GABRP: variants seen among roughly 807,000 people sequenced by gnomAD.
GABRP encodes gamma-aminobutyric acid receptor subunit pi.
GABRP carries 52 observed loss-of-function variants against 47.8 expected under a neutral mutation model. The ratio of observed to expected loss-of-function variants is 1.09; its 90% CI spans 0.87 to 1.37. The LOEUF is 1.37. Among genes scored for constraint, GABRP ranks in the 40% most tolerant of loss-of-function variants. The pLI is 0.00. For missense variants in GABRP, 525 were observed against 542.8 expected (o/e 0.97, Z 0.33); for synonymous variants, 221 against 205.8 (o/e 1.07, Z -0.63).
chr5:170,801,757 T>C (rs752710033), intron 6 of GABRP, among the ~76,000 whole-genome samples: 2 of 151,962 alleles, frequency 1.3e-5, no homozygotes, highest in Non-Finnish European at 2.9e-5. Context: ...AATACACAGA[T>C]AAAAGTAATG....
intron 6 of GABRP, among the ~76,000 whole-genome samples, chr5:170,803,218 G>A (rs899210340): frequency 1.3e-5 from 2 of 152,184 alleles, no homozygotes; most frequent in Non-Finnish European, 2.9e-5. Flanking sequence ...TGGGGAGGGC[G>A]AGATAACCCT....
intron 3 of GABRP, among the ~76,000 whole-genome samples, chr5:170,789,821 G>A (rs543153085): frequency 6.6e-6 from 1 of 152,172 alleles, no homozygotes; most frequent in Admixed American, 6.5e-5. Context: ...GACATCCCTG[G>A]CCTCTCCTGC....
At position 170,805,814 on chromosome 5, in the gene GABRP, C is replaced by A. The variant is rs201137222; in HGVS notation, c.640C>A (p.Arg214=). 146 of 1,614,144 alleles carry A rather than the reference C, an allele frequency of 9.0e-5. No individual in the cohort carries two copies. Among genetic ancestry groups the A allele is most frequent in the South Asian group, 5.9e-4 (54 of 91,078 alleles). The change falls in exon 7 of 10, where the codon CGG becomes AGG. Residue 214 remains arginine, a synonymous_variant. Transcript: ENST00000265294. ...GCGGCTTGCTCAGTACACCATAGAG[C>A]GGTATTTCACCTTAGTCACCAGATC... The part of the protein sequence containing the change: ...HLRLAQYTIE[R]YFTLVTRSQQ...
chr5:170,797,598 G>T (rs750097534), intron 6 of GABRP, 50 bp downstream of exon 6: 1 of 1,123,396 alleles, frequency 8.9e-7, no homozygotes, highest in Non-Finnish European at 1.4e-6. Context: ...GGGTGACTTA[G>T]GTGTGTGTAT....
chr5:170,789,235 C>G lies in GABRP; in HGVS notation c.160C>G (p.Pro54Ala). The stretch of plus-strand genomic sequence containing the variant: ...AGCAGGATATAACAAATTTCTCAGG[C>G]CCAATTTTGGTGGTAGGTCATCCTC... ...LTAGYNKFLR[P>A]NFGGEPVQIA... Residue 54 changes from proline (P) to alanine (A), a missense_variant, in exon 3 of 10, where the codon CCC becomes GCC. Pro to Ala is a conservative substitution (Grantham distance 27, BLOSUM62 -1). Coordinates refer to ENST00000265294, the MANE Select transcript of GABRP (RefSeq NM_014211.3). 6.2e-7 allele frequency: 1 copy of G among 1,612,356 alleles called. No individual in the cohort carries two copies. Among genetic ancestry groups the G allele is most frequent in the Non-Finnish European group, 8.5e-7 (1 of 1,178,564 alleles).
At chr5:170,790,207 A>G (rs1765230308) in intron 3 of GABRP, among the ~76,000 whole-genome samples, 1 of 152,210 alleles carries the variant, frequency 6.6e-6, no homozygotes, top group Non-Finnish European at 1.5e-5. Flanking sequence ...ACAGCTCTTC[A>G]TAGCAGAAAA....
At chr5:170,793,246 A>T (rs1765326158) in intron 3 of GABRP, among the ~76,000 whole-genome samples, 1 of 152,190 alleles carries the variant, frequency 6.6e-6, no homozygotes, top group African/African-American at 2.4e-5. Context: ...GCTCTGAAAG[A>T]TTTAATAACT....
Position 170,812,333 on chromosome 5 carries a change from A to G in GABRP, c.*75A>G. ...ATGATGTAAATGGTATTTTAGGCCA[A>G]GTGTGCACCCACATCCAATGGTGCT... is the stretch of plus-strand genomic sequence containing the variant. On this transcript the variant is annotated 3_prime_UTR_variant, in exon 10 of 10. Transcript: ENST00000265294. 6.0e-6 allele frequency: 7 copies of G among 1,157,136 alleles called. No individual in the cohort carries two copies. Among genetic ancestry groups the G allele is most frequent in the Non-Finnish European group, 8.7e-6 (7 of 800,144 alleles). 71.7% of individuals were successfully genotyped at this position (1,157,136 alleles called of 1,614,324 possible).
At chr5:170,805,161 G>A (rs191005485) in intron 6 of GABRP, among the ~76,000 whole-genome samples, 1 of 151,734 alleles carries the variant, frequency 6.6e-6, no homozygotes, top group East Asian at 1.9e-4. Context: ...GTGACATAAT[G>A]TATAAAGTAC....
At chr5:170,789,408 A>G (rs1247995702) in intron 3 of GABRP, among the ~76,000 whole-genome samples, 161 bp downstream of exon 3, 1 of 152,128 alleles carries the variant, frequency 6.6e-6, no homozygotes, top group Non-Finnish European at 1.5e-5. Flanking sequence ...GATTTTTCAC[A>G]CTGCCTGGAA....
At position 170,783,776 on chromosome 5, in the gene GABRP, A is replaced by T. The variant is rs914623375; in HGVS notation, c.-141A>T. On this transcript the variant is annotated 5_prime_UTR_variant, in exon 1 of 10. The change abolishes an upstream ATG in the 5' untranslated region. Coordinates refer to ENST00000265294, the MANE Select transcript of GABRP (RefSeq NM_014211.3). ...CACATACGAGGGGACAGGGCTGAGG[A>T]TGAGGAGAACCCTGGGGACCCAGAA... 1 of 152,286 alleles carries T rather than the reference A, an allele frequency of 6.6e-6. No homozygotes were observed. Among genetic ancestry groups the T allele is most frequent in the Non-Finnish European group, 1.5e-5 (1 of 68,164 alleles). 9.4% of individuals were successfully genotyped at this position (152,286 alleles called of 1,614,324 possible).
intron 1 of GABRP, among the ~76,000 whole-genome samples, chr5:170,787,469 C>T (rs1364965596): frequency 6.6e-6 from 1 of 152,192 alleles, no homozygotes; most frequent in Non-Finnish European, 1.5e-5. Context: ...GGCCCCTGGG[C>T]CATGCCCCAC....
chr5:170,786,596 G>A (rs1765136596), intron 1 of GABRP, among the ~76,000 whole-genome samples: 1 of 152,162 alleles, frequency 6.6e-6, no homozygotes, highest in Non-Finnish European at 1.5e-5. Flanking sequence ...CTCATTAAGA[G>A]GAGTTGGGTC....
intron 5 of GABRP, 50 bp downstream of exon 5, chr5:170,795,475 A>G (rs768102531): frequency 6.9e-7 from 1 of 1,454,490 alleles, no homozygotes; most frequent in Non-Finnish European, 9.7e-7. Context: ...GCTGGGAGAA[A>G]ACATGCAGAT....
At chr5:170,791,360 C>T (rs1334310082) in intron 3 of GABRP, among the ~76,000 whole-genome samples, 2 of 152,252 alleles carry the variant, frequency 1.3e-5, no homozygotes, top group African/African-American at 2.4e-5. Context: ...GCTGGAGGCC[C>T]ACGGAGGGCC....
intron 5 of GABRP, among the ~76,000 whole-genome samples, chr5:170,796,032 A>C (rs547149872): frequency 1.3e-5 from 2 of 152,106 alleles, no homozygotes; most frequent in Non-Finnish European, 2.9e-5. Context: ...CTTTCACCCA[A>C]TTGTTAATGG....
At chr5:170,807,112 G>A (rs1765756901) in intron 7 of GABRP, among the ~76,000 whole-genome samples, 2 of 151,620 alleles carry the variant, frequency 1.3e-5, no homozygotes, top group South Asian at 4.2e-4. Context: ...TCATGCCTGG[G>A]TAATGTTTTG....
chr5:170,805,139 A>T (rs1462215025), intron 6 of GABRP, among the ~76,000 whole-genome samples: 1 of 151,546 alleles, frequency 6.6e-6, no homozygotes, highest in Non-Finnish European at 1.5e-5. Context: ...TTGCAAGTTT[A>T]CAAGAACATT....
Position 170,809,658 on chromosome 5 carries a change from T to C in GABRP, c.923T>C (p.Val308Ala). ...NTNCFIKAID[V>A]YLGICFSFVF... ...AACTGCTTCATCAAGGCCATCGATG[T>C]GTACCTGGGGATCTGCTTTAGCTTT... The change falls in exon 9 of 10, where the codon GTG becomes GCG. Residue 308 changes from valine (V) to alanine (A), a missense_variant. By Grantham distance (64) the Val-to-Ala change is moderately conservative. Transcript: ENST00000265294. The C allele has an allele frequency of 6.2e-7, 1 of 1,614,164 alleles. No homozygotes were observed. The highest frequency in any genetic ancestry group is 8.5e-7 in the Non-Finnish European group (1 of 1,180,014).
Sources: allele counts gnomAD v4.1 joint callset (sites outside exome capture counted in the v4.1 genomes callset), GRCh38; gene constraint gnomAD v4.1.1; transcripts MANE v1.5; gene names NCBI Gene and HGNC (gene_info 2026-07-23, HGNC 2026-07-21).